Variants in RIOK3 observed in about 807,000 individuals in gnomAD.
RIOK3 encodes the protein serine/threonine-protein kinase RIO3.
Under a neutral mutation model 63.5 loss-of-function variants are expected in RIOK3, and 40 were observed. The ratio of observed to expected loss-of-function variants is 0.63; its 90% confidence interval spans 0.49 to 0.82. RIOK3 has a LOEUF of 0.82. Ranked by LOEUF, RIOK3 falls within the 40% of genes least tolerant of loss-of-function variation. RIOK3 has a pLI of 0.00. For missense variants in RIOK3, 557 were observed against 637.0 expected, an observed-to-expected ratio of 0.87 and a Z score of 1.35; for synonymous variants, 193 against 205.0, an observed-to-expected ratio of 0.94 and a Z score of 0.50.
chr18:23,469,971 T>C (rs1430183470), intron 7 of RIOK3, among the ~76,000 whole-genome samples: 1 of 152,180 alleles, frequency 6.6e-6, no homozygotes, highest in Non-Finnish European at 1.5e-5. Context: ...GATAATTACA[T>C]AATAGAGTAC....
At chr18:23,462,519 G>C (rs2057378887) in intron 1 of RIOK3, among the ~76,000 whole-genome samples, 1 of 152,246 alleles carries the variant, frequency 6.6e-6, no homozygotes, top group South Asian at 2.1e-4. Flanking sequence ...ATGACTCAAT[G>C]CTTAAATTAG....
Position 23,481,244 on chromosome 18 carries a change from G to C in RIOK3, c.1525G>C (p.Asp509His). The change falls in exon 13 of 13, where the codon GAT becomes CAT. Residue 509 changes from aspartate (D) to histidine (H), a missense_variant. Transcript: ENST00000339486. ...NGRKAASFLK[D>H]DGDPPLLYDE ...AAGGAAAGCTGCTTCATTTTTGAAAGATGATGGAGACCCACCACTACTATA... is the reference window on the plus strand; with the variant it reads ...AAGGAAAGCTGCTTCATTTTTGAAACATGATGGAGACCCACCACTACTATA... The C allele has an allele frequency of 1.9e-6, 3 of 1,611,048 alleles. No individual in the cohort carries two copies. Among genetic ancestry groups the C allele is most frequent in the Non-Finnish European group, 2.5e-6 (3 of 1,178,130 alleles).
chr18:23,480,428 A>T (rs574906823), intron 12 of RIOK3, among the ~76,000 whole-genome samples: 1 of 152,304 alleles, frequency 6.6e-6, no homozygotes, highest in South Asian at 2.1e-4. Flanking sequence ...GGAATGTTTT[A>T]TAGAATACAT....
chr18:23,477,144 G>A, intron 10 of RIOK3, 35 bp from the exon 11 acceptor site: 1 of 1,609,748 alleles, frequency 6.2e-7, no homozygotes, highest in Non-Finnish European at 8.5e-7. Context: ...AATTTAAAAT[G>A]TAAATACATC....
rs569331498 is a variant in RIOK3, at chr18:23,479,513, C to T, written c.1452+89C>T. 477 of 676,558 alleles carry T rather than the reference C, an allele frequency of 7.1e-4. 2 individuals are homozygous for T. Among genetic ancestry groups the T allele is most frequent in the Non-Finnish European group, 1.1e-3 (438 of 391,632 alleles). The allele number at this position is 676,558 out of a possible 1,614,324, so 41.9% of individuals were successfully genotyped here. A position where few individuals can be genotyped will look rare whatever the true frequency, so the allele number is the denominator to read the frequency against. On this transcript the variant is annotated intron_variant, in intron 12 of 12. Coordinates refer to ENST00000339486, the MANE Select transcript of RIOK3 (RefSeq NM_003831.5). The stretch of plus-strand genomic sequence containing the variant: ...GAAACCCAGAGCTAGTTTTATCCTC[C>T]CTTTCCCCCAAAACAAAATTAATTT...
chr18:23,458,284 G>T (rs1047084797), intron 1 of RIOK3, among the ~76,000 whole-genome samples: 1 of 151,996 alleles, frequency 6.6e-6, no homozygotes, highest in East Asian at 1.9e-4. Flanking sequence ...AGCAGCGAAG[G>T]TCATATCTTT....
chr18:23,476,891 G>A (rs1399534204), intron 9 of RIOK3, 115 bp from the exon 10 acceptor site: 18 of 776,254 alleles, frequency 2.3e-5, no homozygotes, highest in Admixed American at 1.9e-4. Context: ...CAGCCTGGGC[G>A]ACAGAGTGAG....
intron 1 of RIOK3, among the ~76,000 whole-genome samples, chr18:23,454,190 A>G (rs1479256285): frequency 1.3e-5 from 2 of 152,172 alleles, no homozygotes; most frequent in African/African-American, 2.4e-5. Context: ...CTGCCACTTT[A>G]TGGAGGGTCT....
At chr18:23,471,388 C>T (rs1438633560) in intron 7 of RIOK3, among the ~76,000 whole-genome samples, 1 of 152,140 alleles carries the variant, frequency 6.6e-6, no homozygotes. Flanking sequence ...AACCCAGTCT[C>T]CCTGGAGCAT....
chr18:23,479,289 TACTG>T, intron 11 of RIOK3, 24 bp from the exon 12 acceptor site: 1 of 1,407,416 alleles, frequency 7.1e-7, no homozygotes, highest in South Asian at 1.2e-5. Flanking sequence ...TAATACTTCT[TACTG>T]ACTTTCTTGT....
At chr18:23,453,555 C>T (rs1214463693) in intron 1 of RIOK3, 53 bp downstream of exon 1, 6 of 1,422,268 alleles carry the variant, frequency 4.2e-6, no homozygotes, top group Non-Finnish European at 3.0e-6. Flanking sequence ...GGCTGGATCT[C>T]TCGGAAAGCT....
At position 23,476,997 on chromosome 18, in the gene RIOK3, T is replaced by C; in HGVS notation, c.1174-9T>C. On this transcript the variant is annotated splice_polypyrimidine_tract_variant and intron_variant, in intron 9 of 12. Transcript: ENST00000339486. ...TTCATTTCCTAATGTGTGCCTTCCC[T>C]CTTCACAGTTGATGCGGCAGTTATA... is the stretch of plus-strand genomic sequence containing the variant. 1 of 1,610,266 alleles carries C rather than the reference T, an allele frequency of 6.2e-7. No individual in the cohort carries two copies. The highest frequency in any genetic ancestry group is 8.5e-7 in the Non-Finnish European group (1 of 1,177,118).
intron 5 of RIOK3, among the ~76,000 whole-genome samples, chr18:23,465,107 C>T (rs2057397846): frequency 6.6e-6 from 1 of 152,166 alleles, no homozygotes; most frequent in African/African-American, 2.4e-5. Context: ...CATGGAGGCT[C>T]ATGCCTGTAA....
intron 1 of RIOK3, among the ~76,000 whole-genome samples, chr18:23,454,890 T>C (rs2057328049): frequency 6.6e-6 from 1 of 152,226 alleles, no homozygotes; most frequent in African/African-American, 2.4e-5. Flanking sequence ...CTCTAACCTT[T>C]TGGAAAACCA....
chr18:23,466,273 A>C lies in RIOK3; in HGVS notation c.684A>C (p.Thr228=). The C allele has an allele frequency of 6.3e-7, 1 of 1,578,140 alleles. No homozygotes were observed. The highest frequency in any genetic ancestry group is 8.6e-7 in the Non-Finnish European group (1 of 1,168,164). The change falls in exon 6 of 13, where the codon ACA becomes ACC. Residue 228 remains threonine, a synonymous_variant. Coordinates refer to ENST00000339486, the MANE Select transcript of RIOK3 (RefSeq NM_003831.5). ...TACATGAGAAAAAGGAGCATTCTAC[A>C]GCAGTAAGGATTTATAGATTTTTTT... ...ARLHEKKEHS[T]AEKAVDPKTR...
At chr18:23,466,689 TAAAAAAA>T (rs33997769) in intron 6 of RIOK3, among the ~76,000 whole-genome samples, 1 of 102,898 alleles carries the variant, frequency 9.7e-6, no homozygotes, top group Non-Finnish European at 1.9e-5. Flanking sequence ...GACCCTGCCT[TAAAAAAA>T]AAAAAAAAAA....
intron 6 of RIOK3, 42 bp from the exon 7 acceptor site, chr18:23,467,357 G>T: frequency 6.4e-7 from 1 of 1,572,750 alleles, no homozygotes; most frequent in Non-Finnish European, 8.6e-7. Flanking sequence ...AATATTTTGT[G>T]ATTAGCAGTC....
intron 1 of RIOK3, among the ~76,000 whole-genome samples, chr18:23,462,166 G>T (rs868113322): frequency 6.9e-6 from 1 of 145,468 alleles, no homozygotes; most frequent in African/African-American, 2.5e-5. Flanking sequence ...TTGGCAGGGG[G>T]TCTCATTCTG....
intron 9 of RIOK3, among the ~76,000 whole-genome samples, chr18:23,475,645 CAAAA>C (rs1424518976): frequency 2.0e-5 from 3 of 151,794 alleles, no homozygotes; most frequent in African/African-American, 7.3e-5. Flanking sequence ...AAAAAACAAA[CAAAA>C]AAACCCAAGT....
Sources: allele counts gnomAD v4.1 joint callset (sites outside exome capture counted in the v4.1 genomes callset), GRCh38; gene constraint gnomAD v4.1.1; transcripts MANE v1.5; gene names NCBI Gene and HGNC (gene_info 2026-07-23, HGNC 2026-07-21).